Variants in TIAL1 observed in about 807,000 individuals in gnomAD.
TIAL1 encodes nucleolysin TIAR.
In TIAL1, 7 loss-of-function variants were observed where a neutral mutation model predicts 59.7. The observed-to-expected ratio is 0.12, with a 90% CI of 0.07 to 0.22. The LOEUF is 0.22. Among genes scored for constraint, TIAL1 ranks in the 10% least tolerant of loss-of-function variants. The pLI is 1.00. For synonymous variants in TIAL1, 149 were observed against 146.3 expected (o/e 1.02, Z -0.13); for missense variants, 225 against 462.5 (o/e 0.49, Z 4.71).
intron 1 of TIAL1, among the ~76,000 whole-genome samples, chr10:119,590,024 G>A (rs994190456): frequency 6.6e-6 from 1 of 152,072 alleles, no homozygotes; most frequent in South Asian, 2.1e-4. Context: ...TACTCAAAGG[G>A]AAAAATAGAC....
intron 11 of TIAL1, among the ~76,000 whole-genome samples, chr10:119,576,202 GAAAAA>G (rs34336844): frequency 9.2e-6 from 1 of 109,074 alleles, no homozygotes; most frequent in African/African-American, 3.2e-5. Context: ...ATCAACAAAA[GAAAAA>G]AAAAAAAAAA....
chr10:119,574,092 C>T lies in TIAL1; in HGVS notation c.*1573G>A, dbSNP rs1173010700. 1 of 152,616 alleles carries T rather than the reference C, an allele frequency of 6.6e-6. No homozygotes were observed. The highest frequency in any genetic ancestry group is 1.5e-5 in the Non-Finnish European group (1 of 68,024). 9.5% of individuals were successfully genotyped at this position (152,616 alleles called of 1,614,324 possible). A position where few individuals can be genotyped will look rare whatever the true frequency, so the allele number is the denominator to read the frequency against. ...GGTGCCCAGGCCAGCATTTTGAATACATTGCCAAAACATTTGCACTCCCTA... is the reference window on the plus strand; with the variant it reads ...GGTGCCCAGGCCAGCATTTTGAATATATTGCCAAAACATTTGCACTCCCTA... On this transcript the variant is annotated 3_prime_UTR_variant, in exon 12 of 12. Transcript: ENST00000436547.
At chr10:119,594,026 G>A (rs1004153545) in intron 1 of TIAL1, among the ~76,000 whole-genome samples, 11 of 150,666 alleles carry the variant, frequency 7.3e-5, no homozygotes, top group Admixed American at 6.6e-5. Flanking sequence ...AGTGAACTAA[G>A]TGCTGTGGGG....
intron 10 of TIAL1, 104 bp downstream of exon 10, chr10:119,576,976 G>A: frequency 7.0e-7 from 1 of 1,438,628 alleles, no homozygotes. Flanking sequence ...TCAACTGAAA[G>A]TAGCTATATG....
intron 1 of TIAL1, among the ~76,000 whole-genome samples, chr10:119,590,804 G>GAAAGAAAGAAAGAAAGAAAGAAAA (rs1564744910): frequency 7.1e-6 from 1 of 140,670 alleles, no homozygotes; most frequent in African/African-American, 2.7e-5. Flanking sequence ...AAGAAAGAAA[G>GAAAGAAAGAAAGAAAGAAAGAAAA]AAAGAAAGAA....
chr10:119,583,426 A>G (rs773848635), intron 2 of TIAL1, among the ~76,000 whole-genome samples: 6 of 152,166 alleles, frequency 3.9e-5, no homozygotes, highest in Non-Finnish European at 8.8e-5. Context: ...GTACTACCTA[A>G]GCTATAGCAA....
intron 1 of TIAL1, among the ~76,000 whole-genome samples, chr10:119,594,189 T>C (rs1846035068): frequency 6.6e-6 from 1 of 152,156 alleles, no homozygotes; most frequent in African/African-American, 2.4e-5. Context: ...CATATGAACA[T>C]GTCACAGTTT....
At chr10:119,585,194 T>G (rs538313963) in intron 2 of TIAL1, among the ~76,000 whole-genome samples, 1 of 150,370 alleles carries the variant, frequency 6.7e-6, no homozygotes, top group Non-Finnish European at 1.5e-5. Context: ...CTCAGCACTT[T>G]AGGAGGATGA....
At chr10:119,590,306 T>C (rs1845784133) in intron 1 of TIAL1, among the ~76,000 whole-genome samples, 1 of 152,356 alleles carries the variant, frequency 6.6e-6, no homozygotes, top group African/African-American at 2.4e-5. Context: ...TAAAAGGTTA[T>C]TGGGTTATGA....
intron 6 of TIAL1, 123 bp downstream of exon 6, chr10:119,579,811 AC>A: frequency 1.5e-6 from 1 of 652,476 alleles, no homozygotes; most frequent in Non-Finnish European, 2.5e-6. Context: ...AACATACATA[AC>A]ATTACATAAA....
intron 1 of TIAL1, among the ~76,000 whole-genome samples, chr10:119,590,709 C>CA (rs764179693): frequency 1.3e-4 from 18 of 137,882 alleles, no homozygotes; most frequent in African/African-American, 3.8e-4. Flanking sequence ...GACTCCATCT[C>CA]AAAAAAATAA....
At chr10:119,577,315 G>C (rs759030457) in intron 9 of TIAL1, 112 bp from the exon 10 acceptor site, 3 of 1,442,460 alleles carry the variant, frequency 2.1e-6, no homozygotes, top group Non-Finnish European at 2.8e-6. Context: ...TTTTTCTAAA[G>C]TACATTAGGT....
chr10:119,578,277 A>G (rs1311516654), intron 7 of TIAL1, among the ~76,000 whole-genome samples: 1 of 151,556 alleles, frequency 6.6e-6, no homozygotes, highest in African/African-American at 2.4e-5. Context: ...AGGAGAAAAC[A>G]TAATTTTTCT....
intron 7 of TIAL1, 152 bp from the exon 8 acceptor site, chr10:119,577,888 G>A (rs1324436911): frequency 9.5e-6 from 6 of 633,358 alleles, no homozygotes; most frequent in Admixed American, 2.8e-5. Context: ...TCAGGAGTTC[G>A]AGACCAGCCT....
chr10:119,590,762 G>GAGAAAGAAAGAA (rs60594014), intron 1 of TIAL1, among the ~76,000 whole-genome samples: 2,928 of 125,316 alleles, frequency 0.023, 48 homozygotes, highest in East Asian at 0.04. Context: ...GAGAGAAAGA[G>GAGAAAGAAAGAA]AGAAAGAAAG....
At chr10:119,578,157 G>A (rs772818213) in intron 7 of TIAL1, among the ~76,000 whole-genome samples, 8 of 149,906 alleles carry the variant, frequency 5.3e-5, no homozygotes, top group Non-Finnish European at 8.9e-5. Context: ...CCTGCGAGGC[G>A]GAGGTTGCAG....
In TIAL1 at chr10:119,577,179, G is replaced by A. The variant is rs761432297; in HGVS notation, c.762C>T (p.Ala254=). The A allele has an allele frequency of 5.0e-6, 8 of 1,604,254 alleles. No homozygotes were observed. In the Admixed American group the frequency reaches 8.8e-5, roughly 18 times the overall value. ...FVRFSTHESA[A]HAIVSVNGTT... ...TACCGTTCACCGAAACAATGGCATG[G>A]GCTGCACTTTCATGGGTTGAAAATC... Residue 254 remains alanine (A), a synonymous_variant, in exon 10 of 12, where the codon GCC becomes GCT. Transcript: ENST00000436547.
At chr10:119,578,567 G>C (rs1426953667) in intron 7 of TIAL1, among the ~76,000 whole-genome samples, 159 bp downstream of exon 7, 1 of 152,044 alleles carries the variant, frequency 6.6e-6, no homozygotes, top group Non-Finnish European at 1.5e-5. Context: ...GGAGTTTCAG[G>C]CTACAGTGAG....
intron 2 of TIAL1, among the ~76,000 whole-genome samples, chr10:119,585,178 T>G (rs1845502517): frequency 6.8e-6 from 1 of 146,156 alleles, no homozygotes. Context: ...GTCTCATGCC[T>G]ATAATCTCAG....
Sources: allele counts gnomAD v4.1 joint callset (sites outside exome capture counted in the v4.1 genomes callset), GRCh38; gene constraint gnomAD v4.1.1; transcripts MANE v1.5; gene names NCBI Gene and HGNC (gene_info 2026-07-23, HGNC 2026-07-21).